SEZ6L: variants seen among roughly 807,000 people sequenced by gnomAD.
SEZ6L encodes the protein seizure 6-like protein.
Under a neutral mutation model 106.2 loss-of-function variants are expected in SEZ6L, and 37 were observed. That is an observed-to-expected ratio of 0.35 (90% CI 0.27 to 0.46). The LOEUF (loss-of-function observed/expected upper bound fraction) is 0.46, where lower values mean the gene tolerates loss of function less well. Ranked by LOEUF, SEZ6L falls within the 20% of genes least tolerant of loss-of-function variation. The pLI is 1.00. For missense variants in SEZ6L, 1,172 were observed against 1,332.8 expected (o/e 0.88, Z 1.88); for synonymous variants, 541 against 570.4 (o/e 0.95, Z 0.73).
At chr22:26,240,395 C>A (rs957878413) in intron 1 of SEZ6L, among the ~76,000 whole-genome samples, 3 of 152,030 alleles carry the variant, frequency 2.0e-5, no homozygotes, top group African/African-American at 7.2e-5. Context: ...CCCCCTATTC[C>A]TTGTCAACTG....
chr22:26,277,835 C>A (rs1167822335), intron 1 of SEZ6L, among the ~76,000 whole-genome samples: 2 of 152,178 alleles, frequency 1.3e-5, no homozygotes, highest in African/African-American at 2.4e-5. Context: ...CCTCGAGAAA[C>A]TTCCTCCTAG....
intron 1 of SEZ6L, among the ~76,000 whole-genome samples, chr22:26,289,061 C>T (rs545568387): frequency 1.2e-4 from 18 of 152,368 alleles, no homozygotes; most frequent in Middle Eastern, 3.4e-3. Flanking sequence ...AAAGGCCCTT[C>T]TTTCATATGC....
intron 1 of SEZ6L, among the ~76,000 whole-genome samples, chr22:26,172,827 G>A (rs754695775): frequency 4.6e-5 from 7 of 152,206 alleles, no homozygotes; most frequent in South Asian, 2.1e-4. Flanking sequence ...AAAGAAGCCC[G>A]GAGAATGCTC....
At chr22:26,348,505 GGA>G (rs1172858712) in intron 11 of SEZ6L, among the ~76,000 whole-genome samples, 1 of 112,882 alleles carries the variant, frequency 8.9e-6, no homozygotes, top group African/African-American at 3.8e-5. Flanking sequence ...GGGGTGGCTG[GGA>G]GAGAGAGAAG....
chr22:26,169,633 C>T lies in SEZ6L; in HGVS notation c.-37C>T, dbSNP rs1023992612. 3.6e-6 allele frequency: 3 copies of T among 836,190 alleles called. No homozygotes were observed. Among genetic ancestry groups the T allele is most frequent in the Non-Finnish European group, 5.1e-6 (3 of 593,686 alleles). The allele number at this position is 836,190 out of a possible 1,614,324, so 51.8% of individuals were successfully genotyped here. A position where few individuals can be genotyped will look rare whatever the true frequency, so the allele number is the denominator to read the frequency against. On this transcript the variant is annotated 5_prime_UTR_variant, in exon 1 of 17. Transcript: ENST00000248933. ...CCCCAGCTCCCTCGCCGTCCGCCCGCCCCACAGCCAGCGGCTCCGCGCCCC... is the reference window on the plus strand; with the variant it reads ...CCCCAGCTCCCTCGCCGTCCGCCCGTCCCACAGCCAGCGGCTCCGCGCCCC...
chr22:26,204,790 A>G (rs959025161), intron 1 of SEZ6L, among the ~76,000 whole-genome samples: 6 of 152,236 alleles, frequency 3.9e-5, no homozygotes, highest in Admixed American at 3.9e-4. Flanking sequence ...ACATTTGCCA[A>G]AGACAGGAGC....
In SEZ6L at chr22:26,269,791, G is replaced by A. The variant is rs555301363; in HGVS notation, c.95-22615G>A. 2.1e-4 allele frequency among the ~76,000 whole-genome samples: 32 copies of A among 152,214 alleles called. No individual in the cohort carries two copies. In the East Asian group the frequency reaches 6.2e-3, roughly 29 times the overall value. ...CCTGGCATTAATCTCCCTTCCACTC[G>A]GCTACAAGGAATAGAGTCTACTGTG... On this transcript the variant is annotated intron_variant, in intron 1 of 16. Coordinates refer to ENST00000248933, the MANE Select transcript of SEZ6L (RefSeq NM_021115.5).
chr22:26,180,312 A>G (rs1939308492), intron 1 of SEZ6L, among the ~76,000 whole-genome samples: 2 of 152,198 alleles, frequency 1.3e-5, no homozygotes, highest in Admixed American at 1.3e-4. Flanking sequence ...CTGTCTGATA[A>G]TCACATCTGA....
intron 1 of SEZ6L, among the ~76,000 whole-genome samples, chr22:26,175,012 G>T (rs544400141): frequency 6.6e-6 from 1 of 152,280 alleles, no homozygotes; most frequent in East Asian, 1.9e-4. Context: ...ATCACAAAGG[G>T]ATTGAAGTCC....
intron 1 of SEZ6L, among the ~76,000 whole-genome samples, chr22:26,256,926 T>G (rs914194487): frequency 1.8e-4 from 27 of 152,128 alleles, no homozygotes; most frequent in African/African-American, 6.0e-4. Context: ...AAGTTCAGGT[T>G]AGATTCAAAG....
chr22:26,344,450 C>A (rs1405935692), intron 10 of SEZ6L, among the ~76,000 whole-genome samples: 2 of 152,218 alleles, frequency 1.3e-5, no homozygotes, highest in Non-Finnish European at 2.9e-5. Flanking sequence ...TATTGTAAGT[C>A]AACTCCAATC....
chr22:26,281,700 A>G (rs1159675423), intron 1 of SEZ6L, among the ~76,000 whole-genome samples: 1 of 152,060 alleles, frequency 6.6e-6, no homozygotes, highest in Non-Finnish European at 1.5e-5. Context: ...GAAATTACCC[A>G]GTTCCGATGT....
At chr22:26,176,864 A>G (rs5761393) in intron 1 of SEZ6L, among the ~76,000 whole-genome samples, 7,172 of 152,126 alleles carry the variant, frequency 0.047, 326 homozygotes, top group East Asian at 0.21. Context: ...TCTCCTGTCT[A>G]TGCCAATTAT....
chr22:26,253,728 T>C (rs1489339360), intron 1 of SEZ6L, among the ~76,000 whole-genome samples: 1 of 152,210 alleles, frequency 6.6e-6, no homozygotes, highest in African/African-American at 2.4e-5. Flanking sequence ...GGGACAAAAA[T>C]TGGTGCTTAG....
chr22:26,292,001 A>AAGGG (rs2081126927), intron 1 of SEZ6L, among the ~76,000 whole-genome samples: 2 of 108,044 alleles, frequency 1.9e-5, no homozygotes, highest in Admixed American at 1.6e-4. Context: ...GGAAGGAAGG[A>AAGGG]AGGAAGGAAG....
At chr22:26,264,609 G>A (rs2080118141) in intron 1 of SEZ6L, among the ~76,000 whole-genome samples, 1 of 152,164 alleles carries the variant, frequency 6.6e-6, no homozygotes, top group South Asian at 2.1e-4. Flanking sequence ...TTTCTCTAAA[G>A]GGCCAAATAG....
chr22:26,350,928 C>G (rs369133407), intron 11 of SEZ6L, 124 bp from the exon 12 acceptor site: 2 of 917,346 alleles, frequency 2.2e-6, no homozygotes, highest in Non-Finnish European at 1.6e-6. Flanking sequence ...ATTGCTGGGA[C>G]TACAGGCGTG....
chr22:26,382,250 A>G lies in SEZ6L; in HGVS notation c.*1955A>G. On this transcript the variant is annotated 3_prime_UTR_variant, in exon 17 of 17. Coordinates refer to ENST00000248933, the MANE Select transcript of SEZ6L (RefSeq NM_021115.5). ...CATGTTTGGAGAAAGATAACAACAC[A>G]AATAATGTAACCTTTCCTTAAAAGG... is the stretch of plus-strand genomic sequence containing the variant. The G allele has an allele frequency of 4.3e-6, 1 of 233,544 alleles. No individual in the cohort carries two copies. Among genetic ancestry groups the G allele is most frequent in the South Asian group, 5.1e-5 (1 of 19,418 alleles). 14.5% of individuals were successfully genotyped at this position (233,544 alleles called of 1,614,324 possible). A position where few individuals can be genotyped will look rare whatever the true frequency, so the allele number is the denominator to read the frequency against.
Position 26,292,812 on chromosome 22 carries a change from G to C in SEZ6L, c.501G>C (p.Pro167=). 1 of 1,613,886 alleles carries C rather than the reference G, an allele frequency of 6.2e-7. No homozygotes were observed. The change falls in exon 2 of 17, where the codon CCG becomes CCC. Residue 167 remains proline, a synonymous_variant. Coordinates refer to ENST00000248933, the MANE Select transcript of SEZ6L (RefSeq NM_021115.5). ...LSSSTEKPGP[P]GDPDPIVASE... ...CCTCCACGGAGAAGCCTGGCCCACC[G>C]GGGGACCCGGACCCCATCGTGGCCT...
Sources: allele counts gnomAD v4.1 joint callset (sites outside exome capture counted in the v4.1 genomes callset), GRCh38; gene constraint gnomAD v4.1.1; transcripts MANE v1.5; gene names NCBI Gene and HGNC (gene_info 2026-07-23, HGNC 2026-07-21).